ZMAT4: variants seen among roughly 807,000 people sequenced by gnomAD.
The protein encoded by ZMAT4 is zinc finger matrin-type protein 4.
ZMAT4 carries 17 observed loss-of-function variants against 28.7 expected under a neutral mutation model. That is an observed-to-expected ratio of 0.59 (90% CI 0.41 to 0.89). The LOEUF (loss-of-function observed/expected upper bound fraction) is 0.89. Ranked by LOEUF, ZMAT4 falls within the 40% of genes least tolerant of loss-of-function variation. The pLI is 0.00. For synonymous variants in ZMAT4, 117 were observed against 109.2 expected (o/e 1.07, Z -0.44); for missense variants, 240 against 283.8 (o/e 0.85, Z 1.11).
intron 1 of ZMAT4, among the ~76,000 whole-genome samples, chr8:40,830,728 T>G (rs1183807097): frequency 6.6e-6 from 1 of 152,200 alleles, no homozygotes; most frequent in East Asian, 1.9e-4. Flanking sequence ...CCATTCCATT[T>G]CTGATGGTGC....
intron 3 of ZMAT4, among the ~76,000 whole-genome samples, chr8:40,718,337 G>GTT (rs1269501165): frequency 6.6e-6 from 1 of 152,192 alleles, no homozygotes; most frequent in African/African-American, 2.4e-5. Context: ...GTAGGCCTGG[G>GTT]TTAGAGGAGG....
intron 3 of ZMAT4, among the ~76,000 whole-genome samples, chr8:40,731,451 T>C (rs1167579532): frequency 6.6e-6 from 1 of 151,220 alleles, no homozygotes; most frequent in Admixed American, 6.6e-5. Flanking sequence ...ACAAAAACAA[T>C]AACAAGAAAC....
chr8:40,662,490 A>G (rs1808244784), intron 5 of ZMAT4, among the ~76,000 whole-genome samples: 1 of 152,194 alleles, frequency 6.6e-6, no homozygotes, highest in African/African-American at 2.4e-5. Context: ...GCAGTAGTGC[A>G]AAAATGATTT....
chr8:40,846,282 CT>C (rs1366136893), intron 1 of ZMAT4, among the ~76,000 whole-genome samples: 3 of 152,192 alleles, frequency 2.0e-5, no homozygotes, highest in Non-Finnish European at 2.9e-5. Context: ...ACCATGGCCC[CT>C]ATCATCCCAC....
intron 5 of ZMAT4, among the ~76,000 whole-genome samples, chr8:40,605,937 T>C (rs927629285): frequency 6.6e-6 from 1 of 152,226 alleles, no homozygotes; most frequent in Non-Finnish European, 1.5e-5. Context: ...TCCCTCTTTG[T>C]CTTTTTAAAC....
intron 6 of ZMAT4, among the ~76,000 whole-genome samples, chr8:40,558,799 G>T (rs138196282): frequency 6.6e-6 from 1 of 152,072 alleles, no homozygotes; most frequent in East Asian, 1.9e-4. Context: ...AGAGATCCCA[G>T]CCACGACAGG....
intron 3 of ZMAT4, among the ~76,000 whole-genome samples, chr8:40,710,316 A>G (rs1810550146): frequency 6.6e-6 from 1 of 152,204 alleles, no homozygotes; most frequent in Non-Finnish European, 1.5e-5. Flanking sequence ...TGGATAAAGT[A>G]TATCAATAAT....
At chr8:40,581,895 GA>G (rs2118547152) in intron 5 of ZMAT4, among the ~76,000 whole-genome samples, 1 of 152,300 alleles carries the variant, frequency 6.6e-6, no homozygotes, top group African/African-American at 2.4e-5. Context: ...AGATGGATAA[GA>G]TGCTCTTTGC....
intron 1 of ZMAT4, among the ~76,000 whole-genome samples, chr8:40,851,337 GAAAC>G (rs1210733740): frequency 1.3e-5 from 2 of 151,726 alleles, no homozygotes; most frequent in Non-Finnish European, 2.9e-5. Context: ...TCAATAAAAG[GAAAC>G]AAACAAACAA....
intron 1 of ZMAT4, among the ~76,000 whole-genome samples, chr8:40,890,818 T>C (rs1818641590): frequency 6.6e-6 from 1 of 151,960 alleles, no homozygotes; most frequent in Non-Finnish European, 1.5e-5. Flanking sequence ...GTGCCAATCA[T>C]GCGCTGGATG....
intron 2 of ZMAT4, among the ~76,000 whole-genome samples, chr8:40,798,971 C>T (rs1210237332): frequency 6.6e-6 from 1 of 152,196 alleles, no homozygotes; most frequent in African/African-American, 2.4e-5. Context: ...CCTTTAGCAT[C>T]CTGCCTAGCT....
intron 3 of ZMAT4, among the ~76,000 whole-genome samples, chr8:40,709,927 A>G (rs748492154): frequency 8.6e-5 from 13 of 151,956 alleles, no homozygotes; most frequent in Admixed American, 3.3e-4. Flanking sequence ...AATCTCAGCT[A>G]CTGGGAAGGC....
rs1415485868 is a variant in ZMAT4 at position 40,825,664 on chromosome 8, C to T, written c.13G>A (p.Asp5Asn). The stretch of plus-strand genomic sequence containing the variant: ...TCTGTGAATAAATCCTGATCAATAT[C>T]GGAGGACTTCATCAGGCTACAAGAG... Reference protein sequence around the residue: MKSSDIDQDLFTDSY... With the variant: MKSSNIDQDLFTDSY... The change falls in exon 2 of 7, where the codon GAT becomes AAT. Residue 5 changes from aspartate to asparagine, a missense_variant. Transcript: ENST00000297737. 1.3e-6 allele frequency: 2 copies of T among 1,553,902 alleles called. No individual in the cohort carries two copies. Among genetic ancestry groups the T allele is most frequent in the Non-Finnish European group, 8.7e-7 (1 of 1,147,880 alleles).
chr8:40,802,979 A>G (rs1458274467), intron 2 of ZMAT4, among the ~76,000 whole-genome samples: 2 of 152,350 alleles, frequency 1.3e-5, no homozygotes, highest in East Asian at 1.9e-4. Context: ...AGAAAAGAGT[A>G]TGTTCAACAA....
chr8:40,573,849 G>T (rs1804177287), intron 6 of ZMAT4, among the ~76,000 whole-genome samples: 1 of 152,186 alleles, frequency 6.6e-6, no homozygotes, highest in Non-Finnish European at 1.5e-5. Flanking sequence ...ATTGAGAAAA[G>T]ATTTGTCAGT....
Position 40,837,338 on chromosome 8 carries a change from C to T in ZMAT4, c.-4-11658G>A, listed in dbSNP as rs184035017. ...GGCAGGGTCTCTGAAAGTCTTGGTT[C>T]CTGGATGACTGTGTGGAGCAGAACT... On this transcript the variant is annotated intron_variant, in intron 1 of 6. Transcript: ENST00000297737. Among the ~76,000 whole-genome samples, 1,219 of 152,286 alleles carry T rather than the reference C, an allele frequency of 8.0e-3. 8 individuals are homozygous for T. The highest frequency in any genetic ancestry group is 0.012 in the Non-Finnish European group (794 of 68,028).
At position 40,648,032 on chromosome 8, in the gene ZMAT4, G is replaced by T. The variant is rs186479557; in HGVS notation, c.577+26672C>A. Among the ~76,000 whole-genome samples, 540 of 152,348 alleles carry T rather than the reference G, an allele frequency of 3.5e-3. 4 individuals carry two copies. The highest frequency in any genetic ancestry group is 0.013 in the African/African-American group (520 of 41,566). On this transcript the variant is annotated intron_variant, in intron 5 of 6. Transcript: ENST00000297737. ...AGCAGAGTGCCTCTCCTCCGCCAAA[G>T]GAACGCAGTTCCTCACCAGCAACGG...
At chr8:40,571,397 T>C (rs1264166031) in intron 6 of ZMAT4, among the ~76,000 whole-genome samples, 1 of 152,206 alleles carries the variant, frequency 6.6e-6, no homozygotes, top group Non-Finnish European at 1.5e-5. Context: ...TGAAATTCTC[T>C]CTGAAAGCTA....
intron 1 of ZMAT4, among the ~76,000 whole-genome samples, chr8:40,869,342 A>G (rs748139837): frequency 4.6e-5 from 7 of 152,130 alleles, no homozygotes; most frequent in Non-Finnish European, 8.8e-5. Context: ...TATTTCCCTT[A>G]CACTGATATC....
Sources: gnomAD v4.1 joint callset for allele counts (sites outside exome capture counted in the v4.1 genomes callset) on GRCh38, gnomAD v4.1.1 for gene constraint, MANE v1.5 for transcripts, NCBI Gene and HGNC (gene_info 2026-07-23, HGNC 2026-07-21) for gene names.